The following BBS7 variants were observed in gnomAD, a reference collection of about 807,000 sequenced individuals.
The protein encoded by BBS7 is BBSome complex member BBS7.
In BBS7, 50 loss-of-function variants were observed where a neutral mutation model predicts 90.3. That is an observed-to-expected ratio of 0.55 (90% CI 0.44 to 0.70). The LOEUF is 0.70. BBS7 is among the 30% of genes least tolerant of loss of function. BBS7 has a pLI of 0.00. For missense variants in BBS7, 729 were observed against 838.9 expected (o/e 0.87, Z 1.62); for synonymous variants, 235 against 287.4 (o/e 0.82, Z 1.85).
intron 12 of BBS7, among the ~76,000 whole-genome samples, chr4:121,842,296 A>G (rs1031010695): frequency 4.6e-5 from 7 of 150,664 alleles, no homozygotes; most frequent in Non-Finnish European, 1.0e-4. Context: ...TCTTTTATCT[A>G]TCAATATTTT....
intron 1 of BBS7, among the ~76,000 whole-genome samples, chr4:121,868,693 A>C (rs1727419751): frequency 1.3e-5 from 1 of 76,920 alleles, no homozygotes; most frequent in Non-Finnish European, 3.2e-5. Flanking sequence ...TCAAAAAAAA[A>C]AAAAAAAAAA....
intron 12 of BBS7, among the ~76,000 whole-genome samples, chr4:121,841,522 C>T (rs1052953528): frequency 3.3e-5 from 5 of 152,088 alleles, no homozygotes; most frequent in East Asian, 1.9e-4. Flanking sequence ...GCTATGATCA[C>T]GCCACTGCAC....
chr4:121,839,735 T>C (rs753507207), intron 12 of BBS7, 39 bp from the exon 13 acceptor site: 10 of 1,548,804 alleles, frequency 6.5e-6, no homozygotes, highest in Middle Eastern at 1.7e-4. Flanking sequence ...AATGAATCCA[T>C]GTTTTTAGCA....
intron 8 of BBS7, 76 bp downstream of exon 8, chr4:121,852,880 A>C (rs1464888283): frequency 4.2e-6 from 6 of 1,439,124 alleles, no homozygotes; most frequent in Non-Finnish European, 4.8e-6. Flanking sequence ...TTTTCACTTA[A>C]TAAAATTCAA....
chr4:121,840,969 C>T (rs1352420880), intron 12 of BBS7, among the ~76,000 whole-genome samples: 1 of 151,764 alleles, frequency 6.6e-6, no homozygotes, highest in African/African-American at 2.4e-5. Context: ...TCCCAAATAG[C>T]TGGGACTACA....
intron 16 of BBS7, 30 bp downstream of exon 16, chr4:121,828,589 C>A: frequency 6.4e-7 from 1 of 1,553,726 alleles, no homozygotes; most frequent in Non-Finnish European, 8.9e-7. Context: ...AAATAAACAT[C>A]AGAAAGAATT....
chr4:121,833,645 T>C (rs1297947470), intron 14 of BBS7, among the ~76,000 whole-genome samples: 1 of 152,216 alleles, frequency 6.6e-6, no homozygotes, highest in African/African-American at 2.4e-5. Context: ...TTATTCATTA[T>C]AACATGCTTT....
chr4:121,833,420 C>T (rs201913135), intron 14 of BBS7, 25 bp from the exon 15 acceptor site: 20 of 1,608,532 alleles, frequency 1.2e-5, no homozygotes, highest in African/African-American at 2.7e-5. Context: ...TAGAGGCGCA[C>T]ATTTATGTGT....
At chr4:121,848,577 A>G (rs908503231) in intron 9 of BBS7, among the ~76,000 whole-genome samples, 5 of 152,170 alleles carry the variant, frequency 3.3e-5, no homozygotes, top group Non-Finnish European at 7.4e-5. Flanking sequence ...CTATTTTATT[A>G]TTCGTTATTG....
intron 5 of BBS7, among the ~76,000 whole-genome samples, chr4:121,857,541 TCA>T (rs1726747904): frequency 6.6e-6 from 1 of 152,220 alleles, no homozygotes; most frequent in South Asian, 2.1e-4. Context: ...AATGGATTAT[TCA>T]CAGAGATAGA....
chr4:121,850,222 G>A (rs1416000475), intron 8 of BBS7, among the ~76,000 whole-genome samples: 2 of 151,582 alleles, frequency 1.3e-5, no homozygotes, highest in African/African-American at 4.9e-5. Context: ...CTGGAATGCA[G>A]TGCATGATCA....
intron 4 of BBS7, 87 bp from the exon 5 acceptor site, chr4:121,859,265 T>C (rs1726850415): frequency 8.7e-7 from 1 of 1,151,324 alleles, no homozygotes; most frequent in South Asian, 1.3e-5. Context: ...GTATACAGTT[T>C]ACTAACATTT....
intron 8 of BBS7, among the ~76,000 whole-genome samples, chr4:121,850,654 C>T (rs921224813): frequency 1.3e-5 from 2 of 152,008 alleles, no homozygotes; most frequent in Admixed American, 6.6e-5. Context: ...TTTTTAAAAA[C>T]GGCACTGGCA....
rs1461872585 is a variant in BBS7, at chr4:121,848,833, A to G, written c.934+11T>C. On this transcript the variant is annotated intron_variant, in intron 9 of 18. Coordinates refer to ENST00000264499, the MANE Select transcript of BBS7 (RefSeq NM_176824.3). ...ACTCTTTCTTCAATTACCTATTATC[A>G]TTTACTTTACCTGAATATGTGGACA... The G allele has an allele frequency of 1.2e-6, 2 of 1,607,666 alleles. No homozygotes were observed.
intron 12 of BBS7, 54 bp from the exon 13 acceptor site, chr4:121,839,750 A>C: frequency 7.0e-7 from 1 of 1,433,704 alleles, no homozygotes; most frequent in South Asian, 1.2e-5. Flanking sequence ...TTAGCAACAA[A>C]AAAAAGACAT....
intron 9 of BBS7, among the ~76,000 whole-genome samples, 160 bp from the exon 10 acceptor site, chr4:121,847,666 C>G (rs1173505883): frequency 6.6e-6 from 1 of 152,050 alleles, no homozygotes; most frequent in Non-Finnish European, 1.5e-5. Flanking sequence ...AACATAAAAT[C>G]AAGCTGGAAA....
chr4:121,838,985 A>G (rs78823680), intron 13 of BBS7, among the ~76,000 whole-genome samples: 2,752 of 152,070 alleles, frequency 0.018, 75 homozygotes, highest in African/African-American at 0.061. Flanking sequence ...ATTTTATAAT[A>G]TTAAAAAATT....
At chr4:121,833,018 A>G (rs889687719) in intron 15 of BBS7, among the ~76,000 whole-genome samples, 11 of 152,100 alleles carry the variant, frequency 7.2e-5, no homozygotes, top group Non-Finnish European at 1.2e-4. Context: ...TGTTATTGTT[A>G]TTGTTGGGAA....
intron 18 of BBS7, among the ~76,000 whole-genome samples, chr4:121,827,148 AT>A (rs1724954127): frequency 6.6e-6 from 1 of 152,242 alleles, no homozygotes; most frequent in Admixed American, 6.5e-5. Context: ...AATCAGTGAT[AT>A]TATGTACAGC....
Sources: gnomAD v4.1 joint callset for allele counts (sites outside exome capture counted in the v4.1 genomes callset) on GRCh38, gnomAD v4.1.1 for gene constraint, MANE v1.5 for transcripts, NCBI Gene and HGNC (gene_info 2026-07-23, HGNC 2026-07-21) for gene names.